Variants in MYOM3 observed in about 807,000 individuals in gnomAD.
MYOM3 encodes the protein myomesin-3.
Under a neutral mutation model 191.7 loss-of-function variants are expected in MYOM3, and 155 were observed. The observed-to-expected ratio is 0.81, with a 90% CI of 0.71 to 0.92. The LOEUF (loss-of-function observed/expected upper bound fraction) is 0.92, where lower values mean the gene tolerates loss of function less well. Ranked by LOEUF, MYOM3 falls within the 40% of genes least tolerant of loss-of-function variation. The pLI is 0.00. For missense variants in MYOM3, 1,889 were observed against 1,890.6 expected, an observed-to-expected ratio of 1.00 and a Z score of 0.02; for synonymous variants, 757 against 762.9, an observed-to-expected ratio of 0.99 and a Z score of 0.13.
chr1:24,096,120 C>A (rs1643877242), intron 7 of MYOM3, among the ~76,000 whole-genome samples: 1 of 152,204 alleles, frequency 6.6e-6, no homozygotes, highest in South Asian at 2.1e-4. Flanking sequence ...CCAGACAACA[C>A]CCCAGCAGCC....
intron 20 of MYOM3, among the ~76,000 whole-genome samples, chr1:24,077,756 C>A (rs1221278657): frequency 6.6e-6 from 1 of 152,238 alleles, no homozygotes; most frequent in Admixed American, 6.5e-5. Flanking sequence ...CGGTGGCTGA[C>A]TGACCGAATG....
intron 16 of MYOM3, 41 bp from the exon 17 acceptor site, chr1:24,082,755 C>G (rs1204295759): frequency 6.5e-7 from 1 of 1,526,998 alleles, no homozygotes; most frequent in Admixed American, 2.1e-5. Context: ...GTACAAACAG[C>G]CTGGAGACAT....
At position 24,090,834 on chromosome 1, in the gene MYOM3, A is replaced by T; in HGVS notation, c.1395T>A (p.Val465=). 6.2e-7 allele frequency: 1 copy of T among 1,614,088 alleles called. No individual in the cohort carries two copies. The highest frequency in any genetic ancestry group is 1.7e-4 in the Middle Eastern group (1 of 6,060). The change falls in exon 12 of 37, where the codon GTT becomes GTA. Residue 465 remains valine (V), a synonymous_variant. Coordinates refer to ENST00000374434, the MANE Select transcript of MYOM3 (RefSeq NM_152372.4). ...SSVPSKASEL[V]VMGDHDAARR... ...GGGCTGCATCATGGTCACCCATGAC[A>T]ACCAACTCTGAGGCCTTGGAGGGGA...
rs200353742 is a variant in MYOM3, at chr1:24,080,118, C to T, written c.2484G>A (p.Met828Ile). ...LVLQWEPPLY[M>I]GAGPVTGYHV... ...GATAGCCTGTGACAGGCCCAGCCCCCATATACAGTGGGGGTTCCCACTGCA... is the reference window on the plus strand; with the variant it reads ...GATAGCCTGTGACAGGCCCAGCCCCTATATACAGTGGGGGTTCCCACTGCA... Residue 828 changes from methionine (M) to isoleucine (I), a missense_variant, in exon 20 of 37, where the codon ATG becomes ATA. Physicochemically the swap from Met to Ile is conservative, Grantham distance 10 (BLOSUM62 1). Coordinates refer to ENST00000374434, the MANE Select transcript of MYOM3 (RefSeq NM_152372.4). 474 of 1,614,118 alleles carry T rather than the reference C, an allele frequency of 2.9e-4. 5 individuals are homozygous for T. The East Asian group carries it at 7.2e-3, about 25-fold the overall frequency.
chr1:24,092,374 C>T (rs893615704), intron 10 of MYOM3, 59 bp from the exon 11 acceptor site: 1 of 1,312,476 alleles, frequency 7.6e-7, no homozygotes, highest in Non-Finnish European at 9.8e-7. Context: ...GTGACAGGCC[C>T]TTCCCACTCC....
chr1:24,096,803 G>A (rs1643880784), intron 7 of MYOM3, among the ~76,000 whole-genome samples: 1 of 152,196 alleles, frequency 6.6e-6, no homozygotes, highest in Non-Finnish European at 1.5e-5. Context: ...TCAGGGCACG[G>A]CATTCTTCTG....
chr1:24,068,961 T>C (rs1643490212), intron 25 of MYOM3, among the ~76,000 whole-genome samples: 1 of 152,122 alleles, frequency 6.6e-6, no homozygotes, highest in South Asian at 2.1e-4. Context: ...TGGCCTCAAG[T>C]GATCTGCCTG....
At position 24,111,740 on chromosome 1, in the gene MYOM3, C is replaced by T. The variant is rs940152561; in HGVS notation, c.-19+291G>A. ...ACTCCAGTTCCCAGGGCAGCCCCCA[C>T]TCTTTTTTTTTTTTTTGCAACTTTC... On this transcript the variant is annotated intron_variant, in intron 1 of 36. Transcript: ENST00000374434. This position sits in a 1 kb window ranked among gnomAD's most constrained non-coding sequence, Gnocchi z 4.7. Among the ~76,000 whole-genome samples the T allele has an allele frequency of 2.7e-5, 4 of 150,912 alleles. No homozygotes were observed. The highest frequency in any genetic ancestry group is 4.9e-5 in the African/African-American group (2 of 40,588).
intron 7 of MYOM3, among the ~76,000 whole-genome samples, chr1:24,097,328 C>T (rs1006708345): frequency 6.6e-6 from 1 of 152,142 alleles, no homozygotes; most frequent in Non-Finnish European, 1.5e-5. Context: ...CAGGTGGGTT[C>T]GCCTTGAATA....
At chr1:24,092,751 T>C (rs993478680) in intron 10 of MYOM3, among the ~76,000 whole-genome samples, 196 bp downstream of exon 10, 2 of 152,034 alleles carry the variant, frequency 1.3e-5, no homozygotes, top group African/African-American at 4.8e-5. Flanking sequence ...AGGCTAACTC[T>C]CGGGCCATGT....
intron 26 of MYOM3, 43 bp downstream of exon 26, chr1:24,068,180 G>A (rs747733529): frequency 4.4e-6 from 7 of 1,593,276 alleles, no homozygotes; most frequent in Non-Finnish European, 6.0e-6. Flanking sequence ...GTGCGGGGCA[G>A]GGCGGGGCAG....
chr1:24,107,706 C>A (rs1233302783), intron 3 of MYOM3, among the ~76,000 whole-genome samples: 3 of 152,190 alleles, frequency 2.0e-5, no homozygotes, highest in African/African-American at 7.2e-5. Context: ...CCATTCTTAG[C>A]CCCCTCCCCC....
chr1:24,090,759 TG>T, intron 12 of MYOM3, 37 bp downstream of exon 12: 1 of 1,604,074 alleles, frequency 6.2e-7, no homozygotes, highest in East Asian at 2.2e-5. Flanking sequence ...GTTCCCTGAC[TG>T]ATGTTCTAGA....
chr1:24,108,176 G>C, intron 2 of MYOM3, 103 bp from the exon 3 acceptor site: 1 of 1,090,842 alleles, frequency 9.2e-7, no homozygotes, highest in Non-Finnish European at 1.3e-6. Context: ...GCACCAGCAG[G>C]CAGGGCTGTG....
chr1:24,110,770 C>G (rs1472688181), intron 1 of MYOM3, among the ~76,000 whole-genome samples: 1 of 152,226 alleles, frequency 6.6e-6, no homozygotes, highest in African/African-American at 2.4e-5. Flanking sequence ...AAGAAGTTCT[C>G]TTTGCACCCA....
chr1:24,065,707 T>G (rs551787580), intron 29 of MYOM3, 184 bp downstream of exon 29: 108 of 641,226 alleles, frequency 1.7e-4, no homozygotes, highest in African/African-American at 1.6e-3. Context: ...TTTTTTAGAA[T>G]ATTGCATACA....
chr1:24,062,987 A>C, intron 32 of MYOM3, 139 bp downstream of exon 32: 1 of 619,012 alleles, frequency 1.6e-6, no homozygotes, highest in Non-Finnish European at 3.0e-6. Context: ...GTCTCTGCTA[A>C]CCCCTGGGAC....
intron 1 of MYOM3, among the ~76,000 whole-genome samples, chr1:24,109,042 C>T (rs549913370): frequency 8.9e-4 from 135 of 152,352 alleles, no homozygotes; most frequent in African/African-American, 3.1e-3. Context: ...GTGATGTCCA[C>T]GGCTGTGTCT....
intron 28 of MYOM3, chr1:24,066,760 C>T (rs1643439963): frequency 2.0e-6 from 1 of 493,288 alleles, no homozygotes; most frequent in African/African-American, 2.0e-5. Flanking sequence ...CCCCTGACCC[C>T]TCAGAACCCC....
Sources: allele counts gnomAD v4.1 joint callset (sites outside exome capture counted in the v4.1 genomes callset), GRCh38; gene constraint gnomAD v4.1.1; non-coding constraint Gnocchi (gnomAD v3.1); transcripts MANE v1.5; gene names NCBI Gene and HGNC (gene_info 2026-07-23, HGNC 2026-07-21).